Variants in NCKAP5 observed in about 807,000 individuals in gnomAD.
The protein encoded by NCKAP5 is NCK associated protein 5, also known as nck-associated protein 5.
NCKAP5 carries 92 observed loss-of-function variants against 167.0 expected under a neutral mutation model. The ratio of observed to expected loss-of-function variants is 0.55; its 90% confidence interval spans 0.47 to 0.66. The LOEUF is 0.66. Among genes scored for constraint, NCKAP5 ranks in the 30% least tolerant of loss-of-function variants. NCKAP5 has a pLI of 0.00. For synonymous variants in NCKAP5, 891 were observed against 877.4 expected (o/e 1.02, Z -0.27); for missense variants, 2,378 against 2,315.0 (o/e 1.03, Z -0.56).
intron 19 of NCKAP5, among the ~76,000 whole-genome samples, chr2:132,714,086 A>G (rs1689125748): frequency 6.6e-6 from 1 of 152,238 alleles, no homozygotes; most frequent in South Asian, 2.1e-4. Flanking sequence ...TTATTGTGAA[A>G]GTAAATAATA....
intron 19 of NCKAP5, among the ~76,000 whole-genome samples, chr2:132,692,386 C>G (rs1686846043): frequency 6.6e-6 from 1 of 152,072 alleles, no homozygotes; most frequent in African/African-American, 2.4e-5. Flanking sequence ...CTGCTGACCT[C>G]AGGTGATCCT....
chr2:133,341,099 A>T (rs1413984166), intron 3 of NCKAP5, among the ~76,000 whole-genome samples: 1 of 152,218 alleles, frequency 6.6e-6, no homozygotes, highest in Non-Finnish European at 1.5e-5. Flanking sequence ...TGAAATCACT[A>T]AGACCATTAG....
intron 3 of NCKAP5, among the ~76,000 whole-genome samples, chr2:133,348,847 A>T (rs1684157422): frequency 6.6e-6 from 1 of 152,228 alleles, no homozygotes; most frequent in African/African-American, 2.4e-5. Flanking sequence ...AAGAAGACAC[A>T]TGACAAAGAA....
At chr2:133,299,082 C>T (rs925902955) in intron 4 of NCKAP5, among the ~76,000 whole-genome samples, 2 of 151,814 alleles carry the variant, frequency 1.3e-5, no homozygotes, top group Non-Finnish European at 2.9e-5. Context: ...ACTGGTGTGT[C>T]CATTAGGGTC....
In NCKAP5 at chr2:132,781,149, T is replaced by C. The variant is rs753634948; in HGVS notation, c.4952A>G (p.Gln1651Arg). Reference protein sequence around the residue: ...SCRNVLKGSSQGSCLIGSSIS... With the variant: ...SCRNVLKGSSRGSCLIGSSIS... ...AGAGCTGCCGATGAGACAGGAGCCC[T>C]GAGAACTGCCCTTTAACACATTCCT... The change falls in exon 15 of 20, where the codon CAG (glutamine) becomes CGG (arginine). Residue 1651 changes from glutamine to arginine, a missense_variant. Gln to Arg is a conservative substitution (Grantham distance 43). Around this residue, in one of 3 missense-constraint regions of NCKAP5, gnomAD observed 1,325 missense variants for 1,274.5 expected, o/e 1.04. Coordinates refer to ENST00000409261, the MANE Select transcript of NCKAP5 (RefSeq NM_207363.3). The C allele has an allele frequency of 6.2e-7, 1 of 1,614,012 alleles. No individual in the cohort carries two copies. The highest frequency in any genetic ancestry group is 1.7e-5 in the Admixed American group (1 of 60,034).
At chr2:133,256,200 C>T (rs2088609407) in intron 4 of NCKAP5, among the ~76,000 whole-genome samples, 1 of 152,008 alleles carries the variant, frequency 6.6e-6, no homozygotes, top group African/African-American at 2.4e-5. Context: ...TAATTGTATG[C>T]TTATATTTAT....
chr2:133,242,464 C>CA (rs1244042982), intron 4 of NCKAP5, among the ~76,000 whole-genome samples: 1 of 152,132 alleles, frequency 6.6e-6, no homozygotes, highest in Non-Finnish European at 1.5e-5. Context: ...TGATTGGAAG[C>CA]AGAAGGCAAC....
At chr2:133,165,818 T>C (rs2083976824) in intron 5 of NCKAP5, among the ~76,000 whole-genome samples, 2 of 152,176 alleles carry the variant, frequency 1.3e-5, no homozygotes, top group African/African-American at 4.8e-5. Flanking sequence ...CCTTTTGTTC[T>C]CATAAAAGGA....
chr2:133,255,929 T>C (rs2088593881), intron 4 of NCKAP5, among the ~76,000 whole-genome samples: 1 of 152,208 alleles, frequency 6.6e-6, no homozygotes, highest in Non-Finnish European at 1.5e-5. Context: ...GTAAGGAACA[T>C]GCTTTCCCTT....
At chr2:133,172,711 A>C (rs993474715) in intron 5 of NCKAP5, among the ~76,000 whole-genome samples, 1 of 151,522 alleles carries the variant, frequency 6.6e-6, no homozygotes, top group Non-Finnish European at 1.5e-5. Flanking sequence ...GCAGTGGCAC[A>C]ATCTGGGCTC....
intron 6 of NCKAP5, among the ~76,000 whole-genome samples, chr2:133,029,239 C>G (rs1028592435): frequency 1.3e-5 from 2 of 152,132 alleles, no homozygotes; most frequent in African/African-American, 4.8e-5. Context: ...AGCAATGAGG[C>G]AGATAGGTAT....
chr2:133,370,718 C>A (rs1435948736), intron 3 of NCKAP5, among the ~76,000 whole-genome samples: 1 of 141,246 alleles, frequency 7.1e-6, no homozygotes, highest in Non-Finnish European at 1.5e-5. Flanking sequence ...TTTTTTTTTG[C>A]ATTTTTTAAA....
chr2:133,026,195 GT>G (rs5834341), intron 6 of NCKAP5, among the ~76,000 whole-genome samples: 3 of 151,662 alleles, frequency 2.0e-5, no homozygotes, highest in Non-Finnish European at 2.9e-5. Context: ...ATGGTTTGTG[GT>G]TTTTTTCTTC....
intron 3 of NCKAP5, among the ~76,000 whole-genome samples, chr2:133,511,030 T>A (rs572246094): frequency 3.9e-5 from 6 of 152,320 alleles, no homozygotes; most frequent in African/African-American, 1.2e-4. Flanking sequence ...AAGGAAGCCA[T>A]CCTGGTTGAG....
At chr2:132,846,930 T>C (rs16842369) in intron 11 of NCKAP5, among the ~76,000 whole-genome samples, 25,205 of 150,806 alleles carry the variant, frequency 0.17, 2,519 homozygotes, top group East Asian at 0.31. Context: ...TTCCAGAGAA[T>C]GATTTGTGTA....
chr2:132,732,502 C>G (rs1016317829), intron 16 of NCKAP5, among the ~76,000 whole-genome samples: 2 of 152,150 alleles, frequency 1.3e-5, no homozygotes, highest in African/African-American at 4.8e-5. Flanking sequence ...CAGTGAGGTG[C>G]ATGAAGTGGA....
chr2:132,943,586 T>C (rs1020543016), intron 8 of NCKAP5, among the ~76,000 whole-genome samples: 4 of 152,182 alleles, frequency 2.6e-5, no homozygotes, highest in Non-Finnish European at 2.9e-5. Flanking sequence ...AGGAGTTCAC[T>C]TGGCTGTAAA....
intron 3 of NCKAP5, among the ~76,000 whole-genome samples, chr2:133,441,935 CTT>C (rs902317517): frequency 6.6e-6 from 1 of 152,032 alleles, no homozygotes; most frequent in Non-Finnish European, 1.5e-5. Flanking sequence ...AGGTATCATT[CTT>C]TTTTTTCATT....
At chr2:133,400,653 C>A (rs1688039623) in intron 3 of NCKAP5, among the ~76,000 whole-genome samples, 1 of 152,116 alleles carries the variant, frequency 6.6e-6, no homozygotes, top group Non-Finnish European at 1.5e-5. Context: ...AGGCAGCTGG[C>A]CTCCAGTGCA....
Sources: allele counts gnomAD v4.1 joint callset (sites outside exome capture counted in the v4.1 genomes callset), GRCh38; gene constraint gnomAD v4.1.1; regional missense constraint gnomAD v4.1.1; transcripts MANE v1.5; gene names NCBI Gene and HGNC (gene_info 2026-07-23, HGNC 2026-07-21).